Variants in PRRC2B observed in about 807,000 individuals in gnomAD.
The protein encoded by PRRC2B is proline rich coiled-coil 2B.
In PRRC2B, 68 loss-of-function variants were observed where a neutral mutation model predicts 242.3. The ratio of observed to expected loss-of-function variants is 0.28; its 90% CI spans 0.23 to 0.34. The LOEUF is 0.34. Ranked by LOEUF, PRRC2B falls within the 10% of genes least tolerant of loss-of-function variation. The probability of loss-of-function intolerance (pLI) is 1.00; values close to 1 mark genes in which losing one functional copy is unlikely to be tolerated. For synonymous variants in PRRC2B, 1,228 were observed against 1,173.6 expected (o/e 1.05, Z -0.95); for missense variants, 2,835 against 2,954.8 (o/e 0.96, Z 0.94).
chr9:131,383,036 C>G (rs1185485694), intron 1 of PRRC2B, among the ~76,000 whole-genome samples: 1 of 152,138 alleles, frequency 6.6e-6, no homozygotes, highest in Non-Finnish European at 1.5e-5. Context: ...TCCCGGTGCT[C>G]AGACACTCCC....
rs114760996 is a variant in PRRC2B at position 131,433,153 on chromosome 9, C to T, written c.293+359C>T. 2.7e-3 allele frequency among the ~76,000 whole-genome samples: 418 copies of T among 152,306 alleles called. 1 individual carries two copies. The highest frequency in any genetic ancestry group is 9.7e-3 in the African/African-American group (402 of 41,578). On this transcript the variant is annotated intron_variant, in intron 3 of 31. Transcript: ENST00000683519. ...CAATTCCTGTAAGAAACACTGTGGA[C>T]AGAGCTGGGGCTTGAGGACTTCATT...
intron 26 of PRRC2B, chr9:131,486,507 G>T: frequency 1.0e-6 from 1 of 985,448 alleles, no homozygotes; most frequent in Non-Finnish European, 1.2e-6. Context: ...GAGAAGAAAG[G>T]CCTAAACTCC....
intron 1 of PRRC2B, among the ~76,000 whole-genome samples, chr9:131,399,937 T>G (rs1405582453): frequency 6.6e-6 from 1 of 152,188 alleles, no homozygotes. Context: ...ATGTTAAGTC[T>G]TGGTCCACGT....
chr9:131,404,732 C>T (rs772439631), intron 1 of PRRC2B, among the ~76,000 whole-genome samples: 4 of 152,206 alleles, frequency 2.6e-5, no homozygotes, highest in Non-Finnish European at 4.4e-5. Context: ...CTGACAGCTA[C>T]GCAGACGGAT....
In PRRC2B at chr9:131,467,673, G is replaced by T. The variant is rs941451149; in HGVS notation, c.1831G>T (p.Ala611Ser). The stretch of plus-strand genomic sequence containing the variant: ...CAGCAGTGAGGAAGAGGCCAGAGAG[G>T]CTGGGTCCCCTGCACAGGAGTTCAA... Reference protein sequence around the residue: ...SNSSEEEAREAGSPAQEFKYQ... With the variant: ...SNSSEEEARESGSPAQEFKYQ... The change falls in exon 13 of 32, where the codon GCT becomes TCT. Residue 611 changes from alanine (A) to serine (S), a missense_variant. Around this residue, in one of 7 missense-constraint regions of PRRC2B, gnomAD observed 1,536 missense variants for 1,483.1 expected, o/e 1.04. Transcript: ENST00000683519. 1.9e-6 allele frequency: 3 copies of T among 1,613,984 alleles called. No individual in the cohort carries two copies. The highest frequency in any genetic ancestry group is 1.7e-4 in the Middle Eastern group (1 of 6,060).
chr9:131,478,424 G>T (rs767247945), intron 17 of PRRC2B, 50 bp from the exon 18 acceptor site: 1 of 1,583,204 alleles, frequency 6.3e-7, no homozygotes, highest in South Asian at 1.1e-5. Flanking sequence ...GGTTGTTCTT[G>T]TCTCCTGGTG....
At chr9:131,464,132 G>A (rs1943324168) in intron 11 of PRRC2B, among the ~76,000 whole-genome samples, 1 of 152,072 alleles carries the variant, frequency 6.6e-6, no homozygotes, top group South Asian at 2.1e-4. Context: ...AGTAGAGACG[G>A]TGTTTCACCA....
intron 11 of PRRC2B, among the ~76,000 whole-genome samples, chr9:131,463,801 G>C (rs4740245): frequency 6.6e-6 from 1 of 151,584 alleles, no homozygotes; most frequent in Non-Finnish European, 1.5e-5. Flanking sequence ...GTATTTTTTT[G>C]GGGGGCTGGG....
intron 5 of PRRC2B, among the ~76,000 whole-genome samples, chr9:131,442,545 A>C (rs1012451459): frequency 1.3e-5 from 2 of 152,056 alleles, no homozygotes; most frequent in African/African-American, 4.8e-5. Context: ...GGACCTTTTT[A>C]CTAAGGGAGT....
chr9:131,470,981 C>T lies in PRRC2B; in HGVS notation c.2105C>T (p.Ser702Leu). ...TTCTACCCCTCCGCCCTGCATCCCT[C>T]AGGTAAGCACTGTGGTCTGACGGTC... is the stretch of plus-strand genomic sequence containing the variant. ...VDFYPSALHP[S>L]GLMKPMMPQE... Residue 702 changes from serine to leucine, a missense_variant and splice_region_variant, in exon 14 of 32, where the codon TCA becomes TTA. Around this residue, in one of 7 missense-constraint regions of PRRC2B, gnomAD observed 1,536 missense variants for 1,483.1 expected, o/e 1.04. Coordinates refer to ENST00000683519, the MANE Select transcript of PRRC2B (RefSeq NM_013318.4). 6.2e-7 allele frequency: 1 copy of T among 1,607,950 alleles called. No individual in the cohort carries two copies. The highest frequency in any genetic ancestry group is 1.1e-5 in the South Asian group (1 of 90,788).
Position 131,474,413 on chromosome 9 carries a change from G to A in PRRC2B, c.2325-41G>A, listed in dbSNP as rs765930694. The A allele has an allele frequency of 4.6e-6, 7 of 1,533,078 alleles. No homozygotes were observed. The South Asian group carries it at 4.8e-5, about 11-fold the overall frequency. 95.0% of individuals were successfully genotyped at this position (1,533,078 alleles called of 1,614,324 possible). A position where few individuals can be genotyped will look rare whatever the true frequency, so the allele number is the denominator to read the frequency against. On this transcript the variant is annotated intron_variant, in intron 15 of 31. Transcript: ENST00000683519. ...TGTTCAGCATGGAAACCAGGAACCA[G>A]GCTCCAATCGCATTGACTGATTTTT...
chr9:131,477,421 G>A (rs887192003), intron 16 of PRRC2B, among the ~76,000 whole-genome samples: 4 of 152,230 alleles, frequency 2.6e-5, no homozygotes, highest in Admixed American at 2.6e-4. Context: ...CAGTCCTGGA[G>A]AGGAGCAGAA....
At position 131,495,868 on chromosome 9, in the gene PRRC2B, G is replaced by T. The variant is rs1468287479; in HGVS notation, c.6684G>T (p.Lys2228Asn). Residue 2228 changes from lysine to asparagine, a missense_variant, in exon 32 of 32, where the codon AAG becomes AAT. Physicochemically the swap from Lys to Asn is moderately conservative, Grantham distance 94. This residue lies in a region of PRRC2B where 574 missense variants were observed against 626.0 expected (regional missense o/e 0.92). Transcript: ENST00000683519. ...KPRAVKVEES[K>N]A ...GGGCTGTCAAAGTGGAGGAGAGTAA[G>T]GCCTGACAGTGCCTGGCTGCCACCT... 4.4e-6 allele frequency: 7 copies of T among 1,602,456 alleles called. No homozygotes were observed.
upstream of PRRC2B, among the ~76,000 whole-genome samples, chr9:131,390,818 G>C (rs564696899): frequency 3.6e-5 from 4 of 111,214 alleles, no homozygotes; most frequent in South Asian, 1.2e-3. Context: ...ACAGAGTCTC[G>C]CTCTGTCGCC....
In PRRC2B at chr9:131,492,271, TC is replaced by T. The variant is rs1321737013; in HGVS notation, c.6473+14del. ...GCCACAGACCTACAGGTAAAGCCAC[TC>T]CCTGGGGACTGCGTGCTGTGTAGCT... is the stretch of plus-strand genomic sequence containing the variant. On this transcript the variant is annotated intron_variant, in intron 30 of 31. Transcript: ENST00000683519. The T allele has an allele frequency of 1.2e-6, 2 of 1,607,418 alleles. No individual in the cohort carries two copies. The highest frequency in any genetic ancestry group is 4.5e-5 in the East Asian group (2 of 44,844).
chr9:131,492,308 C>G (rs1363405112), intron 30 of PRRC2B, 48 bp downstream of exon 30: 1 of 1,484,002 alleles, frequency 6.7e-7, no homozygotes, highest in Non-Finnish European at 9.4e-7. Context: ...GAGCAGTTGC[C>G]AGAGCTGCGG....
In PRRC2B at chr9:131,478,635, T is replaced by TGGGGGGGGG; in HGVS notation, c.4758+23_4758+24insGGGGGGGGG. The TGGGGGGGGG allele has an allele frequency of 5.7e-6, 1 of 176,698 alleles. No homozygotes were observed. The highest frequency in any genetic ancestry group is 1.1e-5 in the Non-Finnish European group (1 of 89,462). 10.9% of individuals were successfully genotyped at this position (176,698 alleles called of 1,614,324 possible). On this transcript the variant is annotated intron_variant, in intron 18 of 31. Coordinates refer to ENST00000683519, the MANE Select transcript of PRRC2B (RefSeq NM_013318.4). The stretch of plus-strand genomic sequence containing the variant: ...GGCCGTGCAGGTGAGGGGCGGAGGG[T>TGGGGGGGGG]GGGGGGGCATGGGGCTGGAGGGCAG...
Position 131,487,297 on chromosome 9 carries a change from G to T in PRRC2B, c.5984+3G>T. The stretch of plus-strand genomic sequence containing the variant: ...TTCAGCTCCTTGCAGCCCTTCAGGT[G>T]AGCTCATGTACCAGCTTGCGGAGCT... On this transcript the variant is annotated splice_donor_region_variant and intron_variant, in intron 27 of 31. Transcript: ENST00000683519. This position sits in a 1 kb window ranked among gnomAD's most constrained non-coding sequence, Gnocchi z 5.3. 1.2e-6 allele frequency: 2 copies of T among 1,603,070 alleles called. No individual in the cohort carries two copies. The highest frequency in any genetic ancestry group is 2.2e-5 in the East Asian group (1 of 44,546).
rs190992896 is a variant in PRRC2B, at chr9:131,439,075, T to A, written c.469+14T>A. On this transcript the variant is annotated intron_variant, in intron 5 of 31. Coordinates refer to ENST00000683519, the MANE Select transcript of PRRC2B (RefSeq NM_013318.4). ...GACACGAAGGTGGTAAGTGCGCACG[T>A]GTGTGTGTTGTTTGGGGACGCTGGG... 6.2e-7 allele frequency: 1 copy of A among 1,608,952 alleles called. No individual in the cohort carries two copies. Among genetic ancestry groups the A allele is most frequent in the African/African-American group, 1.3e-5 (1 of 74,780 alleles).
Sources: allele counts gnomAD v4.1 joint callset (sites outside exome capture counted in the v4.1 genomes callset), GRCh38; gene constraint gnomAD v4.1.1; regional missense constraint gnomAD v4.1.1; non-coding constraint Gnocchi (gnomAD v3.1); transcripts MANE v1.5; gene names NCBI Gene and HGNC (gene_info 2026-07-23, HGNC 2026-07-21).